Variants in EXOC2 observed in about 807,000 individuals in gnomAD.
The protein encoded by EXOC2 is SEC5-like 1.
A neutral mutation model predicts 131.8 loss-of-function variants in EXOC2; 70 were observed. The ratio of observed to expected loss-of-function variants is 0.53; its 90% CI spans 0.44 to 0.65. EXOC2 has a LOEUF of 0.65. Among genes scored for constraint, EXOC2 ranks in the 30% least tolerant of loss-of-function variants. The pLI is 0.00. For synonymous variants in EXOC2, 411 were observed against 398.4 expected, an observed-to-expected ratio of 1.03 and a Z score of -0.38; for missense variants, 923 against 1,108.6, an observed-to-expected ratio of 0.83 and a Z score of 2.38.
intron 22 of EXOC2, among the ~76,000 whole-genome samples, chr6:548,372 T>C (rs917755548): frequency 6.6e-6 from 1 of 152,222 alleles, no homozygotes; most frequent in African/African-American, 2.4e-5. Flanking sequence ...ATTCTTTGCA[T>C]TGAGAAAACT....
chr6:496,350 A>G (rs1476042777), intron 25 of EXOC2, among the ~76,000 whole-genome samples: 2 of 152,128 alleles, frequency 1.3e-5, no homozygotes, highest in Non-Finnish European at 2.9e-5. Flanking sequence ...AGGACTGTTG[A>G]TTTTTTATTT....
chr6:653,316 A>G (rs1236832201), intron 1 of EXOC2, among the ~76,000 whole-genome samples: 2 of 152,262 alleles, frequency 1.3e-5, no homozygotes, highest in African/African-American at 4.8e-5. Flanking sequence ...GACAGTCTAA[A>G]GCCAGGCCTT....
chr6:643,569 G>T (rs1284204896), intron 1 of EXOC2, among the ~76,000 whole-genome samples: 4 of 150,880 alleles, frequency 2.7e-5, no homozygotes, highest in African/African-American at 4.9e-5. Flanking sequence ...AAATCTTAGA[G>T]AAAAAATATT....
intron 23 of EXOC2, among the ~76,000 whole-genome samples, chr6:500,962 G>A (rs1340061337): frequency 6.7e-6 from 1 of 148,996 alleles, no homozygotes; most frequent in African/African-American, 2.5e-5. Context: ...TAAGGACACG[G>A]TTTTTCTTTT....
At chr6:500,358 C>T (rs1763972745) in intron 23 of EXOC2, among the ~76,000 whole-genome samples, 2 of 152,144 alleles carry the variant, frequency 1.3e-5, no homozygotes, top group African/African-American at 4.8e-5. Flanking sequence ...TTCAATGAGC[C>T]TCACTTTGCT....
intron 12 of EXOC2, among the ~76,000 whole-genome samples, chr6:574,931 G>A (rs577043608): frequency 5.3e-4 from 81 of 152,374 alleles, no homozygotes; most frequent in South Asian, 3.9e-3. Flanking sequence ...GCCACAGGGC[G>A]AGGCCATGGC....
intron 5 of EXOC2, among the ~76,000 whole-genome samples, chr6:618,517 C>A (rs1761125089): frequency 6.6e-6 from 1 of 152,204 alleles, no homozygotes; most frequent in South Asian, 2.1e-4. Context: ...GAGCTCAATT[C>A]TGACTTATAA....
chr6:574,243 A>G (rs937420131), intron 12 of EXOC2, among the ~76,000 whole-genome samples: 1 of 152,250 alleles, frequency 6.6e-6, no homozygotes. Flanking sequence ...AACGTCCAGA[A>G]CAAGAATTGC....
chr6:564,210 C>T lies in EXOC2; in HGVS notation c.1668-56G>A. 5 of 1,589,512 alleles carry T rather than the reference C, an allele frequency of 3.1e-6. No individual in the cohort carries two copies. The East Asian group carries it at 1.1e-4, about 36-fold the overall frequency. On this transcript the variant is annotated intron_variant, in intron 15 of 27. Transcript: ENST00000230449. ...GCAGAGTGGGATCGCAAAGCAATCC[C>T]TAGCATCTCTTTCACTGTATAATCA...
chr6:597,038 T>C (rs940701508), intron 10 of EXOC2, among the ~76,000 whole-genome samples: 2 of 152,218 alleles, frequency 1.3e-5, no homozygotes, highest in African/African-American at 4.8e-5. Flanking sequence ...GATTACCATG[T>C]CCATTTCAGA....
At position 485,494 on chromosome 6, in the gene EXOC2, T is replaced by C. The variant is rs1465376236; in HGVS notation, c.*1177A>G. 1 of 152,096 alleles carries C rather than the reference T, an allele frequency of 6.6e-6. No homozygotes were observed. Among genetic ancestry groups the C allele is most frequent in the African/African-American group, 2.4e-5 (1 of 41,410 alleles). The allele number at this position is 152,096 out of a possible 1,614,324, so 9.4% of individuals were successfully genotyped here. On this transcript the variant is annotated 3_prime_UTR_variant, in exon 28 of 28. Coordinates refer to ENST00000230449, the MANE Select transcript of EXOC2 (RefSeq NM_018303.6). ...AAAAAAAGAGATTTAAAAATAACCA[T>C]AGAAAAACTTGAAAACCCTGACAAG...
chr6:626,623 ACT>A (rs1761582506), intron 4 of EXOC2, among the ~76,000 whole-genome samples: 1 of 151,194 alleles, frequency 6.6e-6, no homozygotes, highest in Non-Finnish European at 1.5e-5. Flanking sequence ...ACAGACTCTC[ACT>A]CTGTCACCCA....
chr6:576,912 A>G (rs963148470), intron 11 of EXOC2, 30 bp from the exon 12 acceptor site: 6 of 1,609,462 alleles, frequency 3.7e-6, no homozygotes, highest in African/African-American at 1.3e-5. Context: ...TATACAGAGT[A>G]TATAGCATGC....
intron 1 of EXOC2, among the ~76,000 whole-genome samples, chr6:676,088 C>T (rs1171020665): frequency 1.2e-5 from 1 of 82,410 alleles, no homozygotes; most frequent in Admixed American, 1.5e-4. Context: ...ACTGCGGTTC[C>T]CCATACTCTT....
chr6:549,390 C>G, intron 21 of EXOC2, 99 bp from the exon 22 acceptor site: 1 of 837,558 alleles, frequency 1.2e-6, no homozygotes, highest in South Asian at 1.7e-5. Flanking sequence ...TGCTCTTTAA[C>G]GTCAATATCC....
intron 1 of EXOC2, among the ~76,000 whole-genome samples, chr6:662,246 C>T (rs552266202): frequency 1.4e-3 from 210 of 152,234 alleles, no homozygotes; most frequent in African/African-American, 4.4e-3. Flanking sequence ...GACTGGTCAT[C>T]AAGACAGAAA....
At chr6:588,372 G>C (rs1178396410) in intron 11 of EXOC2, among the ~76,000 whole-genome samples, 1 of 152,102 alleles carries the variant, frequency 6.6e-6, no homozygotes, top group African/African-American at 2.4e-5. Flanking sequence ...TTTTTGAGAT[G>C]GAGTGAGTCT....
intron 1 of EXOC2, among the ~76,000 whole-genome samples, chr6:675,529 G>T (rs1044656609): frequency 1.3e-4 from 7 of 52,416 alleles, no homozygotes; most frequent in Non-Finnish European, 3.5e-4. Context: ...AGAAAGGACA[G>T]GTTCCTCTGG....
At chr6:637,921 A>G (rs981263843) in intron 1 of EXOC2, 60 bp from the exon 2 acceptor site, 57 of 1,085,716 alleles carry the variant, frequency 5.2e-5, no homozygotes, top group Non-Finnish European at 7.2e-5. Flanking sequence ...GGCTGAAAAT[A>G]TAAGAATGCT....
Sources: allele counts gnomAD v4.1 joint callset (sites outside exome capture counted in the v4.1 genomes callset), GRCh38; gene constraint gnomAD v4.1.1; transcripts MANE v1.5; gene names NCBI Gene and HGNC (gene_info 2026-07-23, HGNC 2026-07-21).